HPSE2: variants seen among roughly 807,000 people sequenced by gnomAD.
HPSE2 encodes the protein heparanase 2 (inactive).
HPSE2 carries 38 observed loss-of-function variants against 60.5 expected under a neutral mutation model. The ratio of observed to expected loss-of-function variants is 0.63; its 90% CI spans 0.48 to 0.82. HPSE2 has a LOEUF of 0.82. Ranked by LOEUF, HPSE2 falls within the 40% of genes least tolerant of loss-of-function variation. The probability of loss-of-function intolerance (pLI) is 0.00; values close to 1 mark genes in which losing one functional copy is unlikely to be tolerated. For synonymous variants in HPSE2, 295 were observed against 293.2 expected (o/e 1.01, Z -0.06); for missense variants, 713 against 740.4 (o/e 0.96, Z 0.43).
chr10:98,569,167 G>A (rs1016608456), intron 9 of HPSE2, among the ~76,000 whole-genome samples: 3 of 151,278 alleles, frequency 2.0e-5, no homozygotes, highest in African/African-American at 7.3e-5. Flanking sequence ...GGGTTCAAGC[G>A]ATTCTCCAGC....
chr10:98,849,711 T>C (rs1952121397), intron 3 of HPSE2, among the ~76,000 whole-genome samples: 1 of 152,180 alleles, frequency 6.6e-6, no homozygotes, highest in South Asian at 2.1e-4. Flanking sequence ...TAATTGGCTA[T>C]AAAATAAAGT....
the HPSE2 span, among the ~76,000 whole-genome samples, chr10:99,301,377 G>C: frequency 6.6e-6 from 1 of 152,192 alleles, no homozygotes. Context: ...TTCTGGGAAA[G>C]TGAGGGTATC....
chr10:99,215,492 T>A (rs924855612), intron 2 of HPSE2, among the ~76,000 whole-genome samples: 1 of 152,072 alleles, frequency 6.6e-6, no homozygotes, highest in Non-Finnish European at 1.5e-5. Flanking sequence ...AGGGAGAGCA[T>A]CAGGACAAAT....
chr10:99,266,134 C>T, the HPSE2 span, among the ~76,000 whole-genome samples: 1 of 152,328 alleles, frequency 6.6e-6, no homozygotes, highest in African/African-American at 2.4e-5. Context: ...CCGGACAGAA[C>T]TTGGGGGAGG....
Position 98,482,701 on chromosome 10 carries a change from A to G in HPSE2, c.1548T>C (p.Thr516=). ...RSRKKIKLAG[T]LRDKLVHQYL... ...ACTGGTGAACCAGCTTGTCTCTGAG[A>G]GTCCCAGCCAGCTTGATTTTCTTTC... The change falls in exon 11 of 12, where the codon ACT becomes ACC. Residue 516 remains threonine, a synonymous_variant. Transcript: ENST00000370552. 6.2e-7 allele frequency: 1 copy of G among 1,614,216 alleles called. No individual in the cohort carries two copies. Among genetic ancestry groups the G allele is most frequent in the Non-Finnish European group, 8.5e-7 (1 of 1,180,042 alleles).
At chr10:99,260,234 G>T in the HPSE2 span, among the ~76,000 whole-genome samples, 14 of 119,050 alleles carry the variant, frequency 1.2e-4, no homozygotes, top group African/African-American at 2.1e-4. Context: ...ACAGCCATGA[G>T]CTCCTACAAA....
At chr10:99,268,117 A>G in the HPSE2 span, among the ~76,000 whole-genome samples, 1 of 152,214 alleles carries the variant, frequency 6.6e-6, no homozygotes, top group Non-Finnish European at 1.5e-5. Flanking sequence ...CAGAAACCCT[A>G]AAAGCTAGAA....
intron 3 of HPSE2, among the ~76,000 whole-genome samples, chr10:98,811,507 A>G (rs1320460452): frequency 6.6e-6 from 1 of 152,190 alleles, no homozygotes; most frequent in Admixed American, 6.5e-5. Flanking sequence ...CTCAGTATGT[A>G]TTACAGAAAA....
At chr10:98,706,490 C>A (rs186588942) in intron 5 of HPSE2, among the ~76,000 whole-genome samples, 1 of 152,056 alleles carries the variant, frequency 6.6e-6, no homozygotes, top group African/African-American at 2.4e-5. Flanking sequence ...CAAGGACATA[C>A]CAAAATTTCT....
chr10:98,753,338 GGTGGTTTCT>G (rs1256361286), intron 3 of HPSE2, among the ~76,000 whole-genome samples: 1 of 148,008 alleles, frequency 6.8e-6, no homozygotes, highest in East Asian at 1.9e-4. Context: ...GGAAAACAGT[GGTGGTTTCT>G]CAAAAAGCTA....
At chr10:99,272,462 C>T in the HPSE2 span, among the ~76,000 whole-genome samples, 3 of 152,014 alleles carry the variant, frequency 2.0e-5, no homozygotes, top group African/African-American at 4.8e-5. Flanking sequence ...TTCTGCACAG[C>T]AAAACAATCA....
intron 3 of HPSE2, among the ~76,000 whole-genome samples, chr10:99,070,867 C>T (rs138490251): frequency 3.7e-4 from 57 of 152,158 alleles, no homozygotes; most frequent in African/African-American, 1.2e-3. Flanking sequence ...AATAATATTT[C>T]GTTGTACATG....
intron 9 of HPSE2, among the ~76,000 whole-genome samples, chr10:98,556,147 G>A (rs1944001708): frequency 6.6e-6 from 1 of 152,184 alleles, no homozygotes; most frequent in Admixed American, 6.6e-5. Flanking sequence ...AGAAAGGGGT[G>A]AGCTTACCAG....
chr10:98,874,307 C>T (rs1952814629), intron 3 of HPSE2, among the ~76,000 whole-genome samples: 1 of 151,786 alleles, frequency 6.6e-6, no homozygotes, highest in Non-Finnish European at 1.5e-5. Flanking sequence ...AATGGTATTG[C>T]CTCAGTTTTC....
chr10:98,681,440 G>A (rs1947785150), intron 6 of HPSE2, among the ~76,000 whole-genome samples: 1 of 152,142 alleles, frequency 6.6e-6, no homozygotes. Flanking sequence ...AATTCATGAT[G>A]TTATAAAATC....
At chr10:99,105,264 T>A (rs1844196612) in intron 3 of HPSE2, among the ~76,000 whole-genome samples, 1 of 152,156 alleles carries the variant, frequency 6.6e-6, no homozygotes, top group Non-Finnish European at 1.5e-5. Context: ...TATAATCTTC[T>A]CAAGAGAGAT....
At chr10:98,742,589 A>G (rs960648023) in intron 4 of HPSE2, among the ~76,000 whole-genome samples, 2 of 152,202 alleles carry the variant, frequency 1.3e-5, no homozygotes, top group Non-Finnish European at 2.9e-5. Context: ...TCATATCTAT[A>G]CTATCAATAA....
chr10:99,200,516 A>T (rs180793667), intron 2 of HPSE2, among the ~76,000 whole-genome samples: 89 of 152,266 alleles, frequency 5.8e-4, no homozygotes, highest in Admixed American at 3.9e-3. Context: ...TCAACAAGTT[A>T]TTTAACATTT....
At chr10:98,652,679 T>C (rs558203233) in intron 6 of HPSE2, among the ~76,000 whole-genome samples, 3 of 152,344 alleles carry the variant, frequency 2.0e-5, no homozygotes, top group Non-Finnish European at 4.4e-5. Flanking sequence ...CTACAAGGTC[T>C]ACATGACTGG....
Sources: allele counts gnomAD v4.1 joint callset (sites outside exome capture counted in the v4.1 genomes callset), GRCh38; gene constraint gnomAD v4.1.1; transcripts MANE v1.5; gene names NCBI Gene and HGNC (gene_info 2026-07-23, HGNC 2026-07-21).